Variants in TENM3 observed in about 807,000 individuals in gnomAD.
TENM3 encodes teneurin transmembrane protein 3, also known as teneurin-3.
A neutral mutation model predicts 255.1 loss-of-function variants in TENM3; 63 were observed. The ratio of observed to expected loss-of-function variants is 0.25; its 90% CI spans 0.20 to 0.30. The LOEUF (loss-of-function observed/expected upper bound fraction) is 0.30, where lower values mean the gene tolerates loss of function less well. Among genes scored for constraint, TENM3 ranks in the 10% least tolerant of loss-of-function variants. The pLI, the probability that TENM3 is intolerant of heterozygous loss-of-function variation, is 1.00. For missense variants in TENM3, 2,929 were observed against 3,461.1 expected (o/e 0.85, Z 3.86); for synonymous variants, 1,306 against 1,322.3 (o/e 0.99, Z 0.27).
At chr4:181,690,165 T>C in the TENM3 span, among the ~76,000 whole-genome samples, 1 of 152,114 alleles carries the variant, frequency 6.6e-6, no homozygotes, top group Non-Finnish European at 1.5e-5. Context: ...CGGGGACTGA[T>C]GTGTCAGTCA....
At chr4:181,496,647 A>C in the TENM3 span, among the ~76,000 whole-genome samples, 24 of 152,326 alleles carry the variant, frequency 1.6e-4, no homozygotes, top group African/African-American at 5.0e-4. Flanking sequence ...GTTAGCATCG[A>C]TTTACTATGG....
the TENM3 span, among the ~76,000 whole-genome samples, chr4:181,578,438 G>A: frequency 6.6e-6 from 1 of 152,100 alleles, no homozygotes; most frequent in African/African-American, 2.4e-5. Context: ...GAGGAATAGC[G>A]GCCAGGGTCT....
At chr4:181,968,567 G>A in the TENM3 span, among the ~76,000 whole-genome samples, 2 of 152,116 alleles carry the variant, frequency 1.3e-5, no homozygotes, top group African/African-American at 2.4e-5. Flanking sequence ...GCTCACTGAT[G>A]AAAAGCATCT....
intron 1 of TENM3, among the ~76,000 whole-genome samples, chr4:182,261,571 A>G (rs936824881): frequency 6.6e-6 from 1 of 152,352 alleles, no homozygotes. Flanking sequence ...TTAAAGAATA[A>G]TGGCCTCTAT....
intron 3 of TENM3, among the ~76,000 whole-genome samples, chr4:182,545,003 A>G (rs992281363): frequency 6.6e-6 from 1 of 152,212 alleles, no homozygotes; most frequent in Non-Finnish European, 1.5e-5. Context: ...TACATGCTGG[A>G]TCTCATTTAA....
At chr4:182,114,574 T>C in the TENM3 span, among the ~76,000 whole-genome samples, 1 of 152,248 alleles carries the variant, frequency 6.6e-6, no homozygotes, top group Non-Finnish European at 1.5e-5. Flanking sequence ...ATATAATATA[T>C]ATGTTTATAG....
intron 3 of TENM3, among the ~76,000 whole-genome samples, chr4:182,551,427 A>T (rs1379559111): frequency 6.6e-6 from 1 of 152,122 alleles, no homozygotes; most frequent in Non-Finnish European, 1.5e-5. Flanking sequence ...ATAACTATGT[A>T]AACTATGTGA....
chr4:181,529,580 A>T, the TENM3 span, among the ~76,000 whole-genome samples: 1 of 152,236 alleles, frequency 6.6e-6, no homozygotes, highest in Non-Finnish European at 1.5e-5. Flanking sequence ...TATTCACCCC[A>T]TTATAATATA....
intron 3 of TENM3, among the ~76,000 whole-genome samples, chr4:182,352,212 G>A (rs1055403512): frequency 6.6e-6 from 1 of 151,818 alleles, no homozygotes; most frequent in Non-Finnish European, 1.5e-5. Context: ...GATCATTTGT[G>A]CAGTCTGGAA....
At chr4:181,501,629 T>G in the TENM3 span, among the ~76,000 whole-genome samples, 2 of 152,068 alleles carry the variant, frequency 1.3e-5, no homozygotes, top group Non-Finnish European at 2.9e-5. Context: ...CTGCCCGCCT[T>G]GACCTCCCAA....
At chr4:181,600,778 T>A in the TENM3 span, among the ~76,000 whole-genome samples, 1 of 151,914 alleles carries the variant, frequency 6.6e-6, no homozygotes, top group Non-Finnish European at 1.5e-5. Flanking sequence ...GGTGAGTTCC[T>A]TGCCTGTCAT....
chr4:182,346,149 A>G (rs1310140260), intron 2 of TENM3, among the ~76,000 whole-genome samples: 1 of 152,154 alleles, frequency 6.6e-6, no homozygotes, highest in Admixed American at 6.5e-5. Flanking sequence ...TCAAGGCGGA[A>G]AAATATAAGA....
chr4:181,607,759 G>A, the TENM3 span, among the ~76,000 whole-genome samples: 586 of 152,258 alleles, frequency 3.8e-3, 4 homozygotes, highest in South Asian at 9.1e-3. Flanking sequence ...GGCCAGCGCC[G>A]CTCTAGATCT....
At chr4:182,118,146 T>A in the TENM3 span, among the ~76,000 whole-genome samples, 1 of 152,102 alleles carries the variant, frequency 6.6e-6, no homozygotes, top group Non-Finnish European at 1.5e-5. Context: ...ATTATGATGA[T>A]TATCATTAAT....
the TENM3 span, among the ~76,000 whole-genome samples, chr4:181,544,439 A>T: frequency 7.0e-6 from 1 of 143,634 alleles, no homozygotes; most frequent in Admixed American, 7.0e-5. Flanking sequence ...AAAAAAAACT[A>T]TAACTCGTAT....
the TENM3 span, among the ~76,000 whole-genome samples, chr4:181,967,410 T>C: frequency 1.3e-5 from 2 of 152,204 alleles, no homozygotes; most frequent in South Asian, 4.1e-4. Flanking sequence ...AAGTAGAGGA[T>C]ATTCAATAAA....
chr4:182,212,436 C>T (rs1366217425), intron 1 of TENM3, among the ~76,000 whole-genome samples: 1 of 152,118 alleles, frequency 6.6e-6, no homozygotes. Context: ...CCGTTGGCCA[C>T]CTCTGCTGAA....
intron 3 of TENM3, among the ~76,000 whole-genome samples, chr4:182,375,826 G>A (rs1035081108): frequency 6.6e-5 from 10 of 152,178 alleles, no homozygotes; most frequent in Non-Finnish European, 1.3e-4. Context: ...TTACAAGTGT[G>A]AGCCACCGCG....
At chr4:182,154,134 T>C (rs888026087) in intron 1 of TENM3, among the ~76,000 whole-genome samples, 1 of 152,082 alleles carries the variant, frequency 6.6e-6, no homozygotes, top group African/African-American at 2.4e-5. Flanking sequence ...CATTATGCTT[T>C]TTTTCTTTTT....
Sources: gnomAD v4.1 joint callset for allele counts (sites outside exome capture counted in the v4.1 genomes callset) on GRCh38, gnomAD v4.1.1 for gene constraint, MANE v1.5 for transcripts, NCBI Gene and HGNC (gene_info 2026-07-23, HGNC 2026-07-21) for gene names.